The following ALLC variants were observed in gnomAD, a reference collection of about 807,000 sequenced individuals.
The protein encoded by ALLC is probable inactive allantoicase.
Under a neutral mutation model 45.0 loss-of-function variants are expected in ALLC, and 40 were observed. The ratio of observed to expected loss-of-function variants is 0.89; its 90% CI spans 0.69 to 1.16. The LOEUF is 1.16. ALLC is among the 50% of genes most tolerant of loss of function. The probability of loss-of-function intolerance (pLI) is 0.00; values close to 1 mark genes in which losing one functional copy is unlikely to be tolerated. For missense variants in ALLC, 488 were observed against 493.1 expected (o/e 0.99, Z 0.10); for synonymous variants, 176 against 178.1 (o/e 0.99, Z 0.09).
upstream of ALLC, among the ~76,000 whole-genome samples, chr2:3,654,261 G>A (rs1285244106): frequency 1.3e-5 from 2 of 152,248 alleles, no homozygotes; most frequent in South Asian, 2.1e-4. Flanking sequence ...AACCTGCAAA[G>A]TCACATTGTA....
At chr2:3,675,847 G>A (rs1035993986) in intron 3 of ALLC, among the ~76,000 whole-genome samples, 4 of 152,226 alleles carry the variant, frequency 2.6e-5, no homozygotes, top group African/African-American at 9.7e-5. Flanking sequence ...CAGATGGGTG[G>A]TGGCTTAAAC....
chr2:3,645,874 A>C, the ALLC span, among the ~76,000 whole-genome samples: 1 of 152,002 alleles, frequency 6.6e-6, no homozygotes, highest in African/African-American at 2.4e-5. The surrounding 1 kb of genome is among the most constrained non-coding windows in gnomAD (Gnocchi z 4.3). Flanking sequence ...TTGTGGGGCG[A>C]GAGGGAGCTG....
intron 2 of ALLC, among the ~76,000 whole-genome samples, chr2:3,672,479 A>G (rs111554371): frequency 0.15 from 7,425 of 48,896 alleles, 22 homozygotes; most frequent in Middle Eastern, 0.2. Context: ...CTCTGGCTCT[A>G]GTTAGATCGG....
rs1279410039 is a variant in ALLC at position 3,697,401 on chromosome 2, A to G, written c.795A>G (p.Arg265=). Residue 265 remains arginine, a synonymous_variant, in exon 10 of 12, where the codon CGA becomes CGG. Transcript: ENST00000252505. ...LVPGCEWAVF[R]LAHPGVITRI... ...CGGGTTGTGAATGGGCAGTTTTCCG[A>G]TTGGCACATCCTGGAGTAATAACTC... 2 of 1,613,818 alleles carry G rather than the reference A, an allele frequency of 1.2e-6. No individual in the cohort carries two copies. The highest frequency in any genetic ancestry group is 2.7e-5 in the African/African-American group (2 of 74,902).
Position 3,677,751 on chromosome 2 carries a change from C to T in ALLC, c.85-717C>T, listed in dbSNP as rs539638920. 2.6e-5 allele frequency among the ~76,000 whole-genome samples: 4 copies of T among 152,366 alleles called. No homozygotes were observed. In the South Asian group the frequency reaches 8.3e-4, roughly 32 times the overall value. On this transcript the variant is annotated intron_variant, in intron 3 of 11. Coordinates refer to ENST00000252505, the MANE Select transcript of ALLC (RefSeq NM_018436.4). Reference sequence around the variant, plus strand: ...CTGCTACCCCTAGTCCCTTCCTCTGCTCCTGCCTGGGGAGATTCCCTAAGC... The same window carrying T: ...CTGCTACCCCTAGTCCCTTCCTCTGTTCCTGCCTGGGGAGATTCCCTAAGC...
chr2:3,672,061 C>G (rs1666891292), intron 2 of ALLC, among the ~76,000 whole-genome samples: 1 of 113,610 alleles, frequency 8.8e-6, no homozygotes, highest in South Asian at 2.6e-4. Flanking sequence ...TCCTCTGGCT[C>G]TGGTTAGATG....
At chr2:3,651,297 T>TGGGGGGGGGGGGGGG in the ALLC span, among the ~76,000 whole-genome samples, 2 of 1,716 alleles carry the variant, frequency 1.2e-3, no homozygotes, top group African/African-American at 2.7e-3. Flanking sequence ...GAATTCTTTT[T>TGGGGGGGGGGGGGGG]GGGTGGGTGG....
At chr2:3,690,255 TTCCCTTCCCTCC>T (rs1667443202) in intron 7 of ALLC, among the ~76,000 whole-genome samples, 2 of 18,038 alleles carry the variant, frequency 1.1e-4, no homozygotes, top group Non-Finnish European at 9.9e-5. Context: ...TCCCCTTCCC[TTCCCTTCCCTCC>T]CCCCTCCCCT....
At chr2:3,684,091 T>C (rs1335611159) in intron 7 of ALLC, among the ~76,000 whole-genome samples, 4 of 152,208 alleles carry the variant, frequency 2.6e-5, no homozygotes, top group Non-Finnish European at 5.9e-5. Flanking sequence ...ATGCTTTCTT[T>C]TGTTGAGTGT....
At chr2:3,669,730 A>T (rs1666815600) in intron 1 of ALLC, among the ~76,000 whole-genome samples, 1 of 152,158 alleles carries the variant, frequency 6.6e-6, no homozygotes, top group Admixed American at 6.5e-5. Context: ...ACTGGGTGCG[A>T]GGAAGGGGTC....
upstream of ALLC, among the ~76,000 whole-genome samples, chr2:3,657,220 TGAGAGAC>T (rs147592535): frequency 0.046 from 7,012 of 151,780 alleles, 503 homozygotes; most frequent in African/African-American, 0.16. Flanking sequence ...GTGGCGGGGC[TGAGAGAC>T]GGGCTGGGGT....
intron 3 of ALLC, 41 bp downstream of exon 3, chr2:3,674,166 A>G (rs940995609): frequency 1.4e-6 from 2 of 1,413,888 alleles, no homozygotes; most frequent in South Asian, 2.5e-5. Flanking sequence ...GGGTTGATGT[A>G]GAGAAATCTA....
chr2:3,692,983 C>T (rs1667562213), intron 7 of ALLC, among the ~76,000 whole-genome samples: 1 of 152,160 alleles, frequency 6.6e-6, no homozygotes, highest in Admixed American at 6.5e-5. Context: ...GCCCTGATGT[C>T]CTGCCTCTCC....
At position 3,701,678 on chromosome 2, in the gene ALLC, C is replaced by T. The variant is rs754885025; in HGVS notation, c.975+42C>T. 1.3e-5 allele frequency: 20 copies of T among 1,569,438 alleles called. No individual in the cohort carries two copies. In the South Asian group the frequency reaches 1.3e-4, roughly 10 times the overall value. On this transcript the variant is annotated intron_variant, in intron 11 of 11. Coordinates refer to ENST00000252505, the MANE Select transcript of ALLC (RefSeq NM_018436.4). Reference sequence around the variant, plus strand: ...ATTCGGATCCAGCACTCAGACTGTGCTATTTCCCTAAGATTCTCTTTTGAA... The same window carrying T: ...ATTCGGATCCAGCACTCAGACTGTGTTATTTCCCTAAGATTCTCTTTTGAA...
intron 1 of ALLC, among the ~76,000 whole-genome samples, chr2:3,659,430 A>G (rs11886956): frequency 0.098 from 14,975 of 152,156 alleles, 974 homozygotes; most frequent in East Asian, 0.21. Context: ...TGCAGGTAAA[A>G]CTTTAGCATG....
chr2:3,663,417 G>C (rs770565584), intron 1 of ALLC, among the ~76,000 whole-genome samples: 4 of 152,166 alleles, frequency 2.6e-5, no homozygotes, highest in Non-Finnish European at 5.9e-5. Context: ...ACTGGGGCCT[G>C]TCGGAAGTCG....
the ALLC span, among the ~76,000 whole-genome samples, chr2:3,646,079 C>T: frequency 9.2e-5 from 14 of 152,262 alleles, no homozygotes; most frequent in East Asian, 2.5e-3. Flanking sequence ...AATAGAGTGT[C>T]TCGTTCTGTG....
chr2:3,660,531 G>C (rs1666546485), intron 1 of ALLC, among the ~76,000 whole-genome samples: 1 of 152,040 alleles, frequency 6.6e-6, no homozygotes, highest in African/African-American at 2.4e-5. Context: ...AACAGCCCTT[G>C]AATATCAATT....
intron 7 of ALLC, among the ~76,000 whole-genome samples, chr2:3,687,610 C>G (rs1269731073): frequency 1.3e-5 from 2 of 150,950 alleles, no homozygotes; most frequent in African/African-American, 4.8e-5. Flanking sequence ...CAGCTTTTAT[C>G]TCATCATTCA....
Sources: gnomAD v4.1 joint callset for allele counts (sites outside exome capture counted in the v4.1 genomes callset) on GRCh38, gnomAD v4.1.1 for gene constraint, Gnocchi (gnomAD v3.1) non-coding constraint, MANE v1.5 for transcripts, NCBI Gene and HGNC (gene_info 2026-07-23, HGNC 2026-07-21) for gene names.